Variants in CEP83 observed in about 807,000 individuals in gnomAD.
CEP83 encodes centrosomal protein of 83 kDa.
Under a neutral mutation model 101.9 loss-of-function variants are expected in CEP83, and 70 were observed. That is an observed-to-expected ratio of 0.69 (90% CI 0.57 to 0.84). The LOEUF is 0.84. Among genes scored for constraint, CEP83 ranks in the 40% least tolerant of loss-of-function variants. The pLI is 0.00. For synonymous variants in CEP83, 264 were observed against 267.9 expected, an observed-to-expected ratio of 0.99 and a Z score of 0.14; for missense variants, 715 against 787.2, an observed-to-expected ratio of 0.91 and a Z score of 1.10.
In CEP83 at chr12:94,367,919, T is replaced by C. The variant is rs560718226; in HGVS notation, c.1218A>G (p.Ala406=). ...DEKLELENRL[A]DLEKMKVEHD... The stretch of plus-strand genomic sequence containing the variant: ...GTTCCACTTTCATTTTCTCCAAATC[T>C]GCTAATCTGTTCTCGAGTTCTAACC... Residue 406 remains alanine, a synonymous_variant, in exon 11 of 17, where the codon GCA becomes GCG. Coordinates refer to ENST00000397809, the MANE Select transcript of CEP83 (RefSeq NM_016122.3). 1 of 1,613,682 alleles carries C rather than the reference T, an allele frequency of 6.2e-7. No individual in the cohort carries two copies. Among genetic ancestry groups the C allele is most frequent in the South Asian group, 1.1e-5 (1 of 91,038 alleles).
At chr12:94,394,166 A>T (rs2137445466) in intron 6 of CEP83, among the ~76,000 whole-genome samples, 1 of 152,282 alleles carries the variant, frequency 6.6e-6, no homozygotes, top group Non-Finnish European at 1.5e-5. Flanking sequence ...CATTGCCAAG[A>T]CAATCCTAAG....
intron 7 of CEP83, among the ~76,000 whole-genome samples, chr12:94,378,010 C>G (rs1006888120): frequency 4.6e-5 from 7 of 151,944 alleles, no homozygotes; most frequent in Non-Finnish European, 8.8e-5. Flanking sequence ...AAAAAAATCA[C>G]CATCTTGGAT....
intron 1 of CEP83, among the ~76,000 whole-genome samples, chr12:94,442,383 T>G (rs947943090): frequency 1.4e-5 from 2 of 143,594 alleles, no homozygotes; most frequent in African/African-American, 2.6e-5. Context: ...GGGAGGGGGG[T>G]GAGGGTTAAA....
intron 11 of CEP83, among the ~76,000 whole-genome samples, chr12:94,338,613 A>G (rs1413711891): frequency 6.6e-6 from 1 of 152,216 alleles, no homozygotes; most frequent in Non-Finnish European, 1.5e-5. Flanking sequence ...AGTTATTGGT[A>G]TCAGAATAGG....
At chr12:94,456,998 G>GT (rs1196910920) in intron 1 of CEP83, among the ~76,000 whole-genome samples, 1 of 152,078 alleles carries the variant, frequency 6.6e-6, no homozygotes, top group Non-Finnish European at 1.5e-5. Flanking sequence ...CTATTCCTAT[G>GT]TATGTATGTA....
chr12:94,360,768 G>A (rs2060713967), intron 11 of CEP83, among the ~76,000 whole-genome samples: 1 of 151,870 alleles, frequency 6.6e-6, no homozygotes. Context: ...AATTTGCATG[G>A]AGTCACAAGA....
At chr12:94,452,276 CTA>C (rs2067312609) in intron 1 of CEP83, among the ~76,000 whole-genome samples, 1 of 152,028 alleles carries the variant, frequency 6.6e-6, no homozygotes, top group Non-Finnish European at 1.5e-5. Flanking sequence ...TCGCACAACT[CTA>C]TAAAGTTGCT....
At position 94,424,092 on chromosome 12, in the gene CEP83, CT is replaced by C; in HGVS notation, c.-102+11182del. On this transcript the variant is annotated intron_variant, in intron 2 of 16. Coordinates refer to ENST00000397809, the MANE Select transcript of CEP83 (RefSeq NM_016122.3). ...ACTTGTAGAGGAGATGTCTGAGTCA[CT>C]CTCTGATACGAAGACACAGGAGAGG... is the stretch of plus-strand genomic sequence containing the variant. 1.9e-6 allele frequency: 3 copies of C among 1,609,018 alleles called. No individual in the cohort carries two copies. The South Asian group carries it at 3.3e-5, about 18-fold the overall frequency.
intron 2 of CEP83, among the ~76,000 whole-genome samples, chr12:94,420,597 T>G (rs553615861): frequency 5.6e-4 from 85 of 152,290 alleles, no homozygotes; most frequent in African/African-American, 1.8e-3. Context: ...TTTGTTTTGT[T>G]TTTTAGTTCA....
At chr12:94,408,546 AACATGTACTG>A (rs2063688668) in intron 4 of CEP83, among the ~76,000 whole-genome samples, 1 of 152,182 alleles carries the variant, frequency 6.6e-6, no homozygotes, top group Admixed American at 6.5e-5. Flanking sequence ...ACACAATAAC[AACATGTACTG>A]ACCACTTACT....
At chr12:94,442,439 A>G (rs1030719635) in intron 1 of CEP83, among the ~76,000 whole-genome samples, 8 of 152,310 alleles carry the variant, frequency 5.3e-5, no homozygotes, top group African/African-American at 1.7e-4. Context: ...TGATGGGTGC[A>G]GGAAAATCTC....
At position 94,347,983 on chromosome 12, in the gene CEP83, T is replaced by C. The variant is rs143285937; in HGVS notation, c.1344-12319A>G. Among the ~76,000 whole-genome samples the C allele has an allele frequency of 9.1e-4, 139 of 152,144 alleles. 1 individual carries two copies. Among genetic ancestry groups the C allele is most frequent in the East Asian group, 5.0e-3 (26 of 5,186 alleles). ...AGAACCAGAAGATAAAAGCAGAAAT[T>C]AATGAGTTAGAAAATGGGAAACCAG... On this transcript the variant is annotated intron_variant, in intron 11 of 16. Coordinates refer to ENST00000397809, the MANE Select transcript of CEP83 (RefSeq NM_016122.3).
At chr12:94,410,310 G>A (rs2063800288) in intron 4 of CEP83, among the ~76,000 whole-genome samples, 1 of 152,138 alleles carries the variant, frequency 6.6e-6, no homozygotes, top group South Asian at 2.1e-4. Flanking sequence ...AAATGTAGAT[G>A]TTATCTCATT....
At chr12:94,297,451 A>T in the CEP83 span, 2 of 1,456,570 alleles carry the variant, frequency 1.4e-6, no homozygotes, top group Non-Finnish European at 1.9e-6. Context: ...GGAGCACTTT[A>T]TGGCTACCTA....
chr12:94,375,129 A>T (rs1030237104), intron 8 of CEP83, among the ~76,000 whole-genome samples: 42 of 152,184 alleles, frequency 2.8e-4, no homozygotes, highest in Non-Finnish European at 7.4e-5. Flanking sequence ...CATTGGGTTG[A>T]GGGGAAGGTG....
chr12:94,306,806 A>AAAAT (rs1373936600), downstream of CEP83: 1 of 152,202 alleles, frequency 6.6e-6, no homozygotes, highest in African/African-American at 2.4e-5. Context: ...CTGATCAGAG[A>AAAAT]AAATAAGCAG....
In CEP83 at chr12:94,335,370, T is replaced by C. The variant is rs141350673; in HGVS notation, c.1419+219A>G. ...ACAGCATTTAATAAATAAATATATA[T>C]ATCTTAAGAATAATAGCAGTTAGCC... On this transcript the variant is annotated intron_variant, in intron 12 of 16. Transcript: ENST00000397809. Among the ~76,000 whole-genome samples the C allele has an allele frequency of 0.012, 1,786 of 152,060 alleles. 22 individuals carry two copies. Among genetic ancestry groups the C allele is most frequent in the Non-Finnish European group, 0.021 (1,408 of 67,906 alleles).
At chr12:94,358,858 C>A (rs1040653030) in intron 11 of CEP83, among the ~76,000 whole-genome samples, 1 of 152,168 alleles carries the variant, frequency 6.6e-6, no homozygotes, top group Non-Finnish European at 1.5e-5. Flanking sequence ...AAACTGGCCC[C>A]AAAACTGGCC....
At chr12:94,404,702 AT>A (rs981343733) in intron 4 of CEP83, among the ~76,000 whole-genome samples, 1 of 152,118 alleles carries the variant, frequency 6.6e-6, no homozygotes, top group African/African-American at 2.4e-5. Context: ...TTAAAAATTT[AT>A]TTTATTTAAA....
Sources: gnomAD v4.1 joint callset for allele counts (sites outside exome capture counted in the v4.1 genomes callset) on GRCh38, gnomAD v4.1.1 for gene constraint, MANE v1.5 for transcripts, NCBI Gene and HGNC (gene_info 2026-07-23, HGNC 2026-07-21) for gene names.